PARP9: variants seen among roughly 807,000 people sequenced by gnomAD.
PARP9 encodes the protein protein mono-ADP-ribosyltransferase PARP9.
A neutral mutation model predicts 68.8 loss-of-function variants in PARP9; 48 were observed. The observed-to-expected ratio is 0.70, with a 90% CI of 0.55 to 0.89. The LOEUF (loss-of-function observed/expected upper bound fraction) is 0.89. Ranked by LOEUF, PARP9 falls within the 40% of genes least tolerant of loss-of-function variation. The probability of loss-of-function intolerance (pLI) is 0.00; values close to 1 mark genes in which losing one functional copy is unlikely to be tolerated. For missense variants in PARP9, 806 were observed against 969.3 expected (o/e 0.83, Z 2.24); for synonymous variants, 309 against 333.8 (o/e 0.93, Z 0.81).
At chr3:122,540,359 T>C in intron 8 of PARP9, 113 bp downstream of exon 8, 1 of 1,310,834 alleles carries the variant, frequency 7.6e-7, no homozygotes, top group Non-Finnish European at 1.0e-6. Context: ...CCAGAATGTT[T>C]GATCCCTCCT....
intron 6 of PARP9, 32 bp from the exon 7 acceptor site, chr3:122,545,521 A>T: frequency 6.2e-7 from 1 of 1,610,382 alleles, no homozygotes; most frequent in South Asian, 1.1e-5. Context: ...AGAGAGTCAT[A>T]AGCAGGGCTG....
intron 5 of PARP9, among the ~76,000 whole-genome samples, chr3:122,552,082 A>T (rs925499797): frequency 6.7e-6 from 1 of 149,142 alleles, no homozygotes; most frequent in East Asian, 2.0e-4. Flanking sequence ...CACCTGGCTA[A>T]TTTTTTTTTT....
At chr3:122,532,063 C>T in intron 10 of PARP9, 1 of 807,254 alleles carries the variant, frequency 1.2e-6, no homozygotes, top group Non-Finnish European at 1.5e-6. Context: ...CAGACAGGAC[C>T]CTGGCCTGAC....
intron 8 of PARP9, among the ~76,000 whole-genome samples, chr3:122,538,911 C>T (rs778671120): frequency 4.0e-5 from 6 of 151,700 alleles, no homozygotes; most frequent in African/African-American, 9.7e-5. Context: ...ACATTTATGG[C>T]GAACTCTCGC....
At position 122,552,443 on chromosome 3, in the gene PARP9, C is replaced by T. The variant is rs781575436; in HGVS notation, c.1082G>A (p.Trp361Ter). The change falls in exon 5 of 11, where the codon TGG (tryptophan) becomes TAG (stop). Residue 361 changes from tryptophan to a stop codon, truncating the protein, a stop_gained. Coordinates refer to ENST00000682323, the MANE Select transcript of PARP9 (RefSeq NM_001146105.2). LOFTEE classifies it high-confidence loss of function. ...LFCKYIYHVL[W>*]HSEFPKPQIL... ...CTGAGGTTTAGGAAATTCTGAATGC[C>T]ACAGTACATGGTATATATATTTACA... 2 of 1,610,586 alleles carry T rather than the reference C, an allele frequency of 1.2e-6. No individual in the cohort carries two copies. Among genetic ancestry groups the T allele is most frequent in the Non-Finnish European group, 1.7e-6 (2 of 1,177,462 alleles).
intron 4 of PARP9, among the ~76,000 whole-genome samples, chr3:122,553,270 T>C (rs1278882650): frequency 6.6e-6 from 1 of 152,118 alleles, no homozygotes; most frequent in Non-Finnish European, 1.5e-5. Flanking sequence ...TACATATACA[T>C]GAGCTGTACT....
At chr3:122,538,378 A>C (rs1428179202) in intron 8 of PARP9, among the ~76,000 whole-genome samples, 1 of 152,212 alleles carries the variant, frequency 6.6e-6, no homozygotes, top group Non-Finnish European at 1.5e-5. Flanking sequence ...GGCCATGCCT[A>C]ACTTTGATTT....
upstream of PARP9, chr3:122,564,484 C>G: frequency 6.2e-7 from 1 of 1,612,802 alleles, no homozygotes; most frequent in Non-Finnish European, 8.5e-7. Context: ...CAAGTCCGGC[C>G]CCCGAGTACG....
chr3:122,531,880 CT>C (rs1270843970), intron 10 of PARP9: 1 of 152,110 alleles, frequency 6.6e-6, no homozygotes, highest in East Asian at 1.9e-4. Context: ...AATGAAAGTT[CT>C]TTCTTCCAGC....
chr3:122,564,421 A>C (rs772716291), upstream of PARP9: 107 of 1,605,538 alleles, frequency 6.7e-5, no homozygotes, highest in South Asian at 1.2e-3. Flanking sequence ...CCCGACGCGC[A>C]GAGCCATGGC....
intron 7 of PARP9, among the ~76,000 whole-genome samples, chr3:122,542,257 C>CTTTT (rs1175844599): frequency 2.1e-4 from 22 of 104,038 alleles, no homozygotes; most frequent in East Asian, 7.9e-4. Context: ...TCTACTACTA[C>CTTTT]TTTTTTTTTT....
chr3:122,559,835 G>A (rs1034188602), intron 1 of PARP9, 126 bp from the exon 2 acceptor site: 7 of 422,076 alleles, frequency 1.7e-5, no homozygotes, highest in African/African-American at 2.0e-5. Context: ...CCTTGATAAC[G>A]ATGTACACAT....
chr3:122,558,222 C>A, intron 3 of PARP9: 2 of 1,351,878 alleles, frequency 1.5e-6, no homozygotes, highest in Non-Finnish European at 1.0e-6. Context: ...CATTTACGGG[C>A]AAAGGAGAGG....
At chr3:122,559,966 T>G (rs534515990) in intron 1 of PARP9, among the ~76,000 whole-genome samples, 1 of 152,264 alleles carries the variant, frequency 6.6e-6, no homozygotes, top group East Asian at 1.9e-4. Context: ...AAAAGCTATA[T>G]GGAGGAGTTG....
chr3:122,564,344 T>A, upstream of PARP9: 1 of 1,455,812 alleles, frequency 6.9e-7, no homozygotes, highest in East Asian at 2.5e-5. Flanking sequence ...AACTGAAACT[T>A]TGCGCCCAGT....
intron 6 of PARP9, chr3:122,545,698 G>C (rs954195189): frequency 1.8e-6 from 1 of 543,232 alleles, no homozygotes; most frequent in African/African-American, 1.9e-5. Flanking sequence ...TAGGAAAAAT[G>C]GAGATGAAAT....
At chr3:122,545,520 T>TA in intron 6 of PARP9, 31 bp from the exon 7 acceptor site, 1 of 1,610,012 alleles carries the variant, frequency 6.2e-7, no homozygotes, top group Non-Finnish European at 8.5e-7. Context: ...CAGAGAGTCA[T>TA]AAGCAGGGCT....
intron 1 of PARP9, among the ~76,000 whole-genome samples, chr3:122,562,156 C>CTCTTTCCTTTTCTTTTCTTT: frequency 7.1e-6 from 1 of 141,180 alleles, no homozygotes; most frequent in Non-Finnish European, 1.5e-5. Flanking sequence ...TGGCAATATA[C>CTCTTTCCTTTTCTTTTCTTT]TCTTTTCTTT....
At chr3:122,539,325 C>T (rs2077906358) in intron 8 of PARP9, among the ~76,000 whole-genome samples, 1 of 152,150 alleles carries the variant, frequency 6.6e-6, no homozygotes, top group Non-Finnish European at 1.5e-5. Flanking sequence ...TTTCGCTCTC[C>T]TCTATCATCA....
Sources: allele counts gnomAD v4.1 joint callset (sites outside exome capture counted in the v4.1 genomes callset), GRCh38; gene constraint gnomAD v4.1.1; transcripts MANE v1.5; gene names NCBI Gene and HGNC (gene_info 2026-07-23, HGNC 2026-07-21).